CCDC88C: variants seen among roughly 807,000 people sequenced by gnomAD.
CCDC88C encodes protein Daple.
Under a neutral mutation model 198.8 loss-of-function variants are expected in CCDC88C, and 131 were observed. The ratio of observed to expected loss-of-function variants is 0.66; its 90% CI spans 0.57 to 0.76. CCDC88C has a LOEUF of 0.76. CCDC88C is among the 30% of genes least tolerant of loss of function. The pLI is 0.00. For missense variants in CCDC88C, 2,553 were observed against 2,631.6 expected, an observed-to-expected ratio of 0.97 and a Z score of 0.65; for synonymous variants, 1,166 against 1,114.7, an observed-to-expected ratio of 1.05 and a Z score of -0.92.
chr14:91,402,467 G>A (rs765830670), intron 3 of CCDC88C, among the ~76,000 whole-genome samples: 4 of 152,236 alleles, frequency 2.6e-5, no homozygotes, highest in South Asian at 2.1e-4. Flanking sequence ...GTGTGCTGCC[G>A]TTTATGGAAG....
Position 91,278,177 on chromosome 14 carries a change from G to A in CCDC88C, c.4803C>T (p.Ser1601=). ...SSEQLHGRSE[S]FSSEDLIPSR... Reference sequence around the variant, plus strand: ...TGGGGATCAGGTCTTCGCTGCTGAAGCTCTCAGACCGGCCATGGAGCTGCT... The same window carrying A: ...TGGGGATCAGGTCTTCGCTGCTGAAACTCTCAGACCGGCCATGGAGCTGCT... Residue 1601 remains serine, a synonymous_variant, in exon 29 of 30, where the codon AGC becomes AGT. Coordinates refer to ENST00000389857, the MANE Select transcript of CCDC88C (RefSeq NM_001080414.4). 3 of 1,610,810 alleles carry A rather than the reference G, an allele frequency of 1.9e-6. No homozygotes were observed. The highest frequency in any genetic ancestry group is 2.5e-6 in the Non-Finnish European group (3 of 1,178,164).
At chr14:91,298,089 T>C (rs956079078) in intron 21 of CCDC88C, among the ~76,000 whole-genome samples, 3 of 152,196 alleles carry the variant, frequency 2.0e-5, no homozygotes, top group Non-Finnish European at 4.4e-5. Flanking sequence ...CTTGTGGACT[T>C]GATTTGGACA....
At position 91,306,941 on chromosome 14, in the gene CCDC88C, G is replaced by A. The variant is rs547577039; in HGVS notation, c.3195+97C>T. ...AACTAGATCTGGCTAAATCTCCTGT[G>A]TTCTTTACAGCAATGACAAGTCATC... On this transcript the variant is annotated intron_variant, in intron 18 of 29. Transcript: ENST00000389857. 2.4e-5 allele frequency: 31 copies of A among 1,307,218 alleles called. No individual in the cohort carries two copies. The African/African-American group carries it at 4.3e-4, about 18-fold the overall frequency. 81.0% of individuals were successfully genotyped at this position (1,307,218 alleles called of 1,614,324 possible).
chr14:91,289,120 C>G lies in CCDC88C; in HGVS notation c.4426G>C (p.Gly1476Arg), dbSNP rs1428231141. Residue 1476 changes from glycine (G) to arginine (R), a missense_variant, in exon 25 of 30, where the codon GGG becomes CGG. This residue lies in a region of CCDC88C where 1,293 missense variants were observed against 1,219.6 expected (regional missense o/e 1.06). Coordinates refer to ENST00000389857, the MANE Select transcript of CCDC88C (RefSeq NM_001080414.4). ...NCAEERDAHN[G>R]SVGKGPGDLK... ...CCGCCCCTACCTTTCCCCACAGACC[C>G]GTTGTGGGCGTCGCGCTCTTCTGCA... 10 of 1,612,520 alleles carry G rather than the reference C, an allele frequency of 6.2e-6. No individual in the cohort carries two copies. The highest frequency in any genetic ancestry group is 8.5e-6 in the Non-Finnish European group (10 of 1,179,722).
chr14:91,318,106 G>T (rs996130789), intron 13 of CCDC88C, among the ~76,000 whole-genome samples: 29 of 152,210 alleles, frequency 1.9e-4, no homozygotes, highest in African/African-American at 6.8e-4. Context: ...TCCCGTGCTA[G>T]GCCCACATGA....
At chr14:91,365,760 C>T (rs1233731273) in intron 3 of CCDC88C, among the ~76,000 whole-genome samples, 1 of 152,120 alleles carries the variant, frequency 6.6e-6, no homozygotes, top group Admixed American at 6.5e-5. Flanking sequence ...AGGCCCAAAT[C>T]CTCCCCAAAA....
chr14:91,290,378 AT>A (rs1890608804), intron 24 of CCDC88C, among the ~76,000 whole-genome samples: 2 of 152,240 alleles, frequency 1.3e-5, no homozygotes, highest in African/African-American at 4.8e-5. Flanking sequence ...ACCTCAAGGG[AT>A]TTGCAGTGAT....
chr14:91,325,573 TTTTC>T lies in CCDC88C; in HGVS notation c.1197+333_1197+336del, dbSNP rs1019117269. 1.9e-3 allele frequency among the ~76,000 whole-genome samples: 283 copies of T among 152,192 alleles called. No individual in the cohort carries two copies. Among genetic ancestry groups the T allele is most frequent in the African/African-American group, 6.4e-3 (264 of 41,522 alleles). Reference sequence around the variant, plus strand: ...CCTGAACCTGCCCCAATCGGTTTTCTTTTCTTTCTTTCTTTTTTTCTGAGACAAG... The same window carrying T: ...CCTGAACCTGCCCCAATCGGTTTTCTTTTCTTTCTTTTTTTCTGAGACAAG... On this transcript the variant is annotated intron_variant, in intron 11 of 29. Transcript: ENST00000389857. The surrounding 1 kb of genome is among the most constrained non-coding windows in gnomAD (Gnocchi z 4.1).
intron 19 of CCDC88C, among the ~76,000 whole-genome samples, chr14:91,304,445 T>C (rs577501703): frequency 6.1e-4 from 93 of 152,300 alleles, no homozygotes; most frequent in South Asian, 1.7e-3. Context: ...TTAACTTAGC[T>C]GGGCATGGTG....
chr14:91,369,641 A>C (rs1386990894), intron 3 of CCDC88C, among the ~76,000 whole-genome samples: 4 of 152,128 alleles, frequency 2.6e-5, no homozygotes, highest in Admixed American at 6.5e-5. Context: ...CCAGGCCCAC[A>C]TGCTTGTAAC....
chr14:91,385,621 G>T (rs1326709742), intron 3 of CCDC88C, among the ~76,000 whole-genome samples: 10 of 152,160 alleles, frequency 6.6e-5, no homozygotes, highest in Non-Finnish European at 1.5e-5. Flanking sequence ...GCCCCTCTTT[G>T]GTAGTCCAGG....
chr14:91,345,384 G>A (rs1407423554), intron 4 of CCDC88C, among the ~76,000 whole-genome samples: 3 of 150,800 alleles, frequency 2.0e-5, no homozygotes, highest in Non-Finnish European at 4.4e-5. Context: ...TAGAGACGGG[G>A]GTTTCACCAT....
At position 91,277,967 on chromosome 14, in the gene CCDC88C, G is replaced by C; in HGVS notation, c.5013C>G (p.Thr1671=). Residue 1671 remains threonine (T), a synonymous_variant, in exon 29 of 30, where the codon ACC becomes ACG. Transcript: ENST00000389857. Reference sequence around the variant, plus strand: ...TGCTCTCCTCCAGGAACTCCTCCAAGGTGACCATCTCACTGCTGGGGGAGG... The same window carrying C: ...TGCTCTCCTCCAGGAACTCCTCCAACGTGACCATCTCACTGCTGGGGGAGG... ...CSASPSSEMV[T]LEEFLEESNR... 1 of 1,552,312 alleles carries C rather than the reference G, an allele frequency of 6.4e-7. No individual in the cohort carries two copies. The highest frequency in any genetic ancestry group is 8.7e-7 in the Non-Finnish European group (1 of 1,144,304).
At chr14:91,315,953 C>T (rs138140661) in intron 13 of CCDC88C, 166 bp from the exon 14 acceptor site, 6,782 of 648,920 alleles carry the variant, frequency 0.01, 53 homozygotes, top group Middle Eastern at 0.018. Flanking sequence ...ACAGCTGTCA[C>T]TCTTAAGACA....
chr14:91,338,348 A>G lies in CCDC88C; in HGVS notation c.891+141T>C. On this transcript the variant is annotated intron_variant, in intron 9 of 29. Coordinates refer to ENST00000389857, the MANE Select transcript of CCDC88C (RefSeq NM_001080414.4). This position sits in a 1 kb window ranked among gnomAD's most constrained non-coding sequence, Gnocchi z 4.8. ...CCTGCTGTCACTAAGAAACAGGGTC[A>G]TCCCCATAGCCGTGCTCAGGACAAG... 1 of 952,048 alleles carries G rather than the reference A, an allele frequency of 1.1e-6. No homozygotes were observed. The highest frequency in any genetic ancestry group is 1.6e-6 in the Non-Finnish European group (1 of 625,328). The allele number at this position is 952,048 out of a possible 1,614,324, so 59.0% of individuals were successfully genotyped here.
chr14:91,317,605 C>G (rs906628606), intron 13 of CCDC88C, among the ~76,000 whole-genome samples: 1 of 152,152 alleles, frequency 6.6e-6, no homozygotes, highest in African/African-American at 2.4e-5. Context: ...CCTGCAGGGT[C>G]GGGCCAGATT....
chr14:91,283,328 C>T lies in CCDC88C; in HGVS notation c.4630+1G>A, dbSNP rs778915447. The T allele has an allele frequency of 3.7e-6, 6 of 1,612,752 alleles. No individual in the cohort carries two copies. Among genetic ancestry groups the T allele is most frequent in the South Asian group, 2.2e-5 (2 of 90,744 alleles). On this transcript the variant is annotated splice_donor_variant, in intron 26 of 29. Coordinates refer to ENST00000389857, the MANE Select transcript of CCDC88C (RefSeq NM_001080414.4). LOFTEE classifies it high-confidence loss of function. ...TGGCTCTGGAAGGGCCTGTGACTCA[C>T]CTTTGGTGCGGCCTGGGTGCCGGGC...
intron 4 of CCDC88C, among the ~76,000 whole-genome samples, chr14:91,344,064 G>A (rs1893415097): frequency 2.6e-5 from 4 of 152,064 alleles, no homozygotes; most frequent in South Asian, 4.2e-4. Flanking sequence ...CAAGTGATCC[G>A]CCCACCTCAG....
At chr14:91,351,120 T>G (rs1348568902) in intron 4 of CCDC88C, among the ~76,000 whole-genome samples, 1 of 152,192 alleles carries the variant, frequency 6.6e-6, no homozygotes, top group Non-Finnish European at 1.5e-5. Flanking sequence ...AGTACCTGGG[T>G]TAGAACCGCA....
Sources: gnomAD v4.1 joint callset for allele counts (sites outside exome capture counted in the v4.1 genomes callset) on GRCh38, gnomAD v4.1.1 for gene constraint, gnomAD v4.1.1 regional missense constraint, Gnocchi (gnomAD v3.1) non-coding constraint, MANE v1.5 for transcripts, NCBI Gene and HGNC (gene_info 2026-07-23, HGNC 2026-07-21) for gene names.